The following MICU2 variants were observed in gnomAD, a reference collection of about 807,000 sequenced individuals.
MICU2 encodes the protein mitochondrial calcium uptake 2, also known as calcium uptake protein 2, mitochondrial.
MICU2 carries 64 observed loss-of-function variants against 60.4 expected under a neutral mutation model. The ratio of observed to expected loss-of-function variants is 1.06; its 90% confidence interval spans 0.87 to 1.31. The LOEUF is 1.31. Among genes scored for constraint, MICU2 ranks in the 50% most tolerant of loss-of-function variants. The pLI is 0.00. For synonymous variants in MICU2, 201 were observed against 175.0 expected, an observed-to-expected ratio of 1.15 and a Z score of -1.17; for missense variants, 569 against 531.0, an observed-to-expected ratio of 1.07 and a Z score of -0.70.
intron 4 of MICU2, among the ~76,000 whole-genome samples, chr13:21,529,145 G>C (rs753027325): frequency 2.0e-5 from 3 of 152,172 alleles, no homozygotes; most frequent in Non-Finnish European, 4.4e-5. Flanking sequence ...GAGAAGAGAA[G>C]ATGAATTCGA....
rs981843367 is a variant in MICU2 at position 21,522,530 on chromosome 13, A to G, written c.514+73T>C. On this transcript the variant is annotated intron_variant, in intron 5 of 11. Coordinates refer to ENST00000382374, the MANE Select transcript of MICU2 (RefSeq NM_152726.3). ...TTTTAATGATAAAGACATAAATGCC[A>G]AACTTTTAAAATCCTGTTTGGTAAG... is the stretch of plus-strand genomic sequence containing the variant. The G allele has an allele frequency of 6.8e-5, 86 of 1,256,514 alleles. 1 individual carries two copies. The East Asian group carries it at 2.1e-3, about 30-fold the overall frequency. 77.8% of individuals were successfully genotyped at this position (1,256,514 alleles called of 1,614,324 possible). A position where few individuals can be genotyped will look rare whatever the true frequency, so the allele number is the denominator to read the frequency against.
intron 3 of MICU2, 30 bp from the exon 4 acceptor site, chr13:21,539,407 C>G: frequency 1.3e-6 from 2 of 1,588,308 alleles, no homozygotes; most frequent in Non-Finnish European, 1.7e-6. Context: ...AATTAAACTT[C>G]TAAAAGTTCA....
intron 1 of MICU2, among the ~76,000 whole-genome samples, chr13:21,579,250 A>C (rs1888292168): frequency 6.6e-6 from 1 of 152,226 alleles, no homozygotes. Context: ...CCAGTAAATA[A>C]ACATATAAAT....
intron 6 of MICU2, among the ~76,000 whole-genome samples, chr13:21,519,106 G>A (rs1043876297): frequency 6.6e-6 from 1 of 151,920 alleles, no homozygotes; most frequent in South Asian, 2.1e-4. Flanking sequence ...ACAGAGTTTC[G>A]CTTGCGATGG....
chr13:21,570,230 A>G (rs1294738052), intron 1 of MICU2, among the ~76,000 whole-genome samples: 2 of 152,364 alleles, frequency 1.3e-5, no homozygotes, highest in East Asian at 3.9e-4. Flanking sequence ...TGAAATTACC[A>G]GAGCCTTTCT....
chr13:21,551,766 C>G (rs576781711), intron 2 of MICU2, among the ~76,000 whole-genome samples: 242 of 152,016 alleles, frequency 1.6e-3, no homozygotes, highest in African/African-American at 5.6e-3. Context: ...AGGACATGAA[C>G]TCATCATTTT....
At chr13:21,523,136 C>T (rs1010460030) in intron 4 of MICU2, among the ~76,000 whole-genome samples, 4 of 152,134 alleles carry the variant, frequency 2.6e-5, no homozygotes, top group African/African-American at 9.7e-5. Context: ...CCATTGACTC[C>T]CCTGGTTCTC....
chr13:21,532,850 T>C (rs1887035207), intron 4 of MICU2, among the ~76,000 whole-genome samples: 1 of 151,412 alleles, frequency 6.6e-6, no homozygotes. Context: ...GAATGAGAGG[T>C]GAGGAAGTGA....
chr13:21,590,960 G>A (rs552927553), intron 1 of MICU2, among the ~76,000 whole-genome samples: 9 of 152,246 alleles, frequency 5.9e-5, no homozygotes, highest in South Asian at 2.1e-4. Context: ...ATGACATTAC[G>A]AAGAAACTGC....
chr13:21,580,968 G>A (rs1399514015), intron 1 of MICU2, among the ~76,000 whole-genome samples: 1 of 152,150 alleles, frequency 6.6e-6, no homozygotes, highest in Non-Finnish European at 1.5e-5. Context: ...AATGTACAGA[G>A]TCAGAACAAA....
Position 21,528,150 on chromosome 13 carries a change from T to C in MICU2, c.467-5500A>G, listed in dbSNP as rs373568930. On this transcript the variant is annotated intron_variant, in intron 4 of 11. Coordinates refer to ENST00000382374, the MANE Select transcript of MICU2 (RefSeq NM_152726.3). Reference sequence around the variant, plus strand: ...AACTACAACTTCTTCTTCCTTATAATAATACGTGTTGGTAAATTATTTTCT... The same window carrying C: ...AACTACAACTTCTTCTTCCTTATAACAATACGTGTTGGTAAATTATTTTCT... 2.0e-5 allele frequency among the ~76,000 whole-genome samples: 3 copies of C among 152,170 alleles called. No homozygotes were observed. The East Asian group carries it at 5.8e-4, about 29-fold the overall frequency.
At chr13:21,529,502 G>A (rs1886935827) in intron 4 of MICU2, among the ~76,000 whole-genome samples, 1 of 152,190 alleles carries the variant, frequency 6.6e-6, no homozygotes, top group African/African-American at 2.4e-5. Context: ...AAACCAAGGA[G>A]GCTGAAGAAG....
intron 1 of MICU2, among the ~76,000 whole-genome samples, chr13:21,594,469 T>C (rs1264158785): frequency 1.3e-5 from 2 of 152,196 alleles, no homozygotes; most frequent in African/African-American, 4.8e-5. Flanking sequence ...GAAGACAGTG[T>C]GGCGACCTCA....
At chr13:21,588,098 G>T (rs918243123) in intron 1 of MICU2, among the ~76,000 whole-genome samples, 1 of 152,186 alleles carries the variant, frequency 6.6e-6, no homozygotes. Flanking sequence ...TTGGTCCAAC[G>T]TTCTGCGGAC....
chr13:21,575,118 T>C (rs1039025987), intron 1 of MICU2, among the ~76,000 whole-genome samples: 4 of 152,056 alleles, frequency 2.6e-5, no homozygotes, highest in African/African-American at 9.7e-5. Context: ...CTAGCATGGC[T>C]TTTTTTAGAT....
chr13:21,547,496 T>C (rs148421256), intron 2 of MICU2, among the ~76,000 whole-genome samples: 2 of 152,292 alleles, frequency 1.3e-5, no homozygotes, highest in African/African-American at 2.4e-5. Context: ...ATATCATGAA[T>C]TCTATTAATG....
intron 6 of MICU2, among the ~76,000 whole-genome samples, chr13:21,519,903 T>G (rs1021589498): frequency 1.3e-5 from 2 of 152,220 alleles, no homozygotes; most frequent in African/African-American, 2.4e-5. Context: ...TTCAGGATCA[T>G]GCACCGGATG....
chr13:21,579,008 C>T (rs1308050293), intron 1 of MICU2, among the ~76,000 whole-genome samples: 1 of 152,204 alleles, frequency 6.6e-6, no homozygotes, highest in African/African-American at 2.4e-5. Flanking sequence ...TGATGGATTT[C>T]AGGCCTTATA....
intron 6 of MICU2, among the ~76,000 whole-genome samples, chr13:21,521,019 C>T (rs1886704654): frequency 6.6e-6 from 1 of 152,102 alleles, no homozygotes; most frequent in African/African-American, 2.4e-5. Flanking sequence ...CCCTAAAAAA[C>T]AGATGCTTCT....
Sources: allele counts gnomAD v4.1 joint callset (sites outside exome capture counted in the v4.1 genomes callset), GRCh38; gene constraint gnomAD v4.1.1; transcripts MANE v1.5; gene names NCBI Gene and HGNC (gene_info 2026-07-23, HGNC 2026-07-21).